ASTN2: variants seen among roughly 807,000 people sequenced by gnomAD.
ASTN2 encodes astrotactin 2.
In ASTN2, 54 loss-of-function variants were observed where a neutral mutation model predicts 139.8. The observed-to-expected ratio is 0.39, with a 90% CI of 0.31 to 0.48. The LOEUF is 0.48. Among genes scored for constraint, ASTN2 ranks in the 20% least tolerant of loss-of-function variants. The pLI is 0.95. For missense variants in ASTN2, 1,565 were observed against 1,725.1 expected (o/e 0.91, Z 1.64); for synonymous variants, 756 against 719.5 (o/e 1.05, Z -0.81).
chr9:116,850,247 C>T (rs946014202), intron 11 of ASTN2, among the ~76,000 whole-genome samples: 1 of 152,228 alleles, frequency 6.6e-6, no homozygotes, highest in Non-Finnish European at 1.5e-5. Flanking sequence ...TCTGACTGTT[C>T]TCTACATGCT....
chr9:116,907,264 A>C (rs571916963), intron 10 of ASTN2, among the ~76,000 whole-genome samples: 1 of 152,344 alleles, frequency 6.6e-6, no homozygotes, highest in African/African-American at 2.4e-5. Flanking sequence ...CCTGGCCTGC[A>C]GCAGCAGAGC....
intron 5 of ASTN2, among the ~76,000 whole-genome samples, chr9:117,079,895 T>G (rs912701514): frequency 2.6e-5 from 4 of 152,278 alleles, no homozygotes; most frequent in Admixed American, 2.6e-4. Context: ...CTCCAGGACC[T>G]GTGCTAAGTT....
At chr9:117,071,674 G>GTA (rs1828133207) in intron 5 of ASTN2, among the ~76,000 whole-genome samples, 1 of 148,990 alleles carries the variant, frequency 6.7e-6, no homozygotes, top group Non-Finnish European at 1.5e-5. Flanking sequence ...TTCCGTGGGC[G>GTA]TAGGACCCTC....
At chr9:117,356,384 T>C (rs1829540523) in intron 1 of ASTN2, among the ~76,000 whole-genome samples, 1 of 152,252 alleles carries the variant, frequency 6.6e-6, no homozygotes, top group Non-Finnish European at 1.5e-5. Context: ...TATTATCCCA[T>C]GTTTGATACG....
chr9:116,884,760 T>C (rs1833545872), intron 10 of ASTN2, among the ~76,000 whole-genome samples: 1 of 151,514 alleles, frequency 6.6e-6, no homozygotes, highest in Non-Finnish European at 1.5e-5. Flanking sequence ...CCTTGATGTC[T>C]GTATGACATT....
chr9:116,841,160 C>T (rs961356293), intron 11 of ASTN2, among the ~76,000 whole-genome samples: 2 of 152,246 alleles, frequency 1.3e-5, no homozygotes, highest in African/African-American at 2.4e-5. Flanking sequence ...GGATCACTCG[C>T]GGTTAGGAGC....
intron 16 of ASTN2, among the ~76,000 whole-genome samples, chr9:116,683,522 A>G (rs1274862750): frequency 6.6e-6 from 1 of 152,202 alleles, no homozygotes; most frequent in African/African-American, 2.4e-5. Context: ...ATCAGATATC[A>G]CACTCTGAGT....
chr9:117,044,416 G>A (rs1193557974), intron 5 of ASTN2, among the ~76,000 whole-genome samples: 3 of 152,198 alleles, frequency 2.0e-5, no homozygotes, highest in African/African-American at 7.2e-5. Flanking sequence ...AGATGCCCAT[G>A]GAGCAGCAGA....
At chr9:116,771,121 T>A (rs1253702913) in intron 13 of ASTN2, among the ~76,000 whole-genome samples, 1 of 152,196 alleles carries the variant, frequency 6.6e-6, no homozygotes, top group Non-Finnish European at 1.5e-5. Context: ...AAGATTCAAC[T>A]CAGACATCAT....
intron 19 of ASTN2, among the ~76,000 whole-genome samples, chr9:116,513,224 T>C (rs1850482277): frequency 1.3e-5 from 2 of 152,160 alleles, no homozygotes; most frequent in Admixed American, 6.5e-5. Context: ...AGCATTTGCT[T>C]GTCTATAAAG....
intron 1 of ASTN2, among the ~76,000 whole-genome samples, chr9:117,317,633 CA>C (rs1489555417): frequency 6.6e-6 from 1 of 152,172 alleles, no homozygotes; most frequent in African/African-American, 2.4e-5. Flanking sequence ...TCAAGAGTGT[CA>C]AGCCCAGGGC....
chr9:117,406,234 C>T lies in ASTN2; in HGVS notation c.442+8263G>A, dbSNP rs139219691. Among the ~76,000 whole-genome samples, 504 of 152,314 alleles carry T rather than the reference C, an allele frequency of 3.3e-3. 2 individuals carry two copies. The highest frequency in any genetic ancestry group is 0.011 in the African/African-American group (461 of 41,554). On this transcript the variant is annotated intron_variant, in intron 1 of 22. Coordinates refer to ENST00000313400, the MANE Select transcript of ASTN2 (RefSeq NM_001365068.1). ...GGAAACACACAGCGTAAATTCTGGT[C>T]TCACTCTGCTCCAAGCCACCATTAC...
intron 5 of ASTN2, among the ~76,000 whole-genome samples, chr9:117,045,459 T>C (rs1413593525): frequency 1.3e-5 from 2 of 152,120 alleles, no homozygotes; most frequent in African/African-American, 4.8e-5. Flanking sequence ...TTGCTGGGAC[T>C]GGAGAAAATT....
chr9:117,066,809 G>C (rs543379470), intron 5 of ASTN2, among the ~76,000 whole-genome samples: 2 of 150,002 alleles, frequency 1.3e-5, no homozygotes, highest in Admixed American at 6.6e-5. Flanking sequence ...GTCTTCTTTT[G>C]AGAAGTGTCT....
intron 19 of ASTN2, among the ~76,000 whole-genome samples, chr9:116,573,156 C>T (rs1349954410): frequency 6.6e-6 from 1 of 152,154 alleles, no homozygotes; most frequent in Non-Finnish European, 1.5e-5. Context: ...CAACCAAAGG[C>T]ACCATTTTAT....
chr9:117,144,790 T>C (rs1830157349), intron 3 of ASTN2, among the ~76,000 whole-genome samples: 1 of 145,816 alleles, frequency 6.9e-6, no homozygotes, highest in Non-Finnish European at 1.5e-5. Flanking sequence ...CAAGCAATTC[T>C]TATGCCCCAG....
At position 117,016,813 on chromosome 9, in the gene ASTN2, T is replaced by TTTTATATATA. The variant is rs1554769653; in HGVS notation, c.1424-8555_1424-8554insTATATATAAA. Among the ~76,000 whole-genome samples the TTTTATATATA allele has an allele frequency of 1.6e-3, 152 of 92,580 alleles. 1 individual carries two copies. The South Asian group carries it at 0.032, about 20-fold the overall frequency. The allele number at this position is 92,580 out of a possible 152,430, so 60.7% of individuals were successfully genotyped here. ...GTTATATATAGGTTATATATATGTT[T>TTTTATATATA]TATATATATATATATGTTTTTCCAA... On this transcript the variant is annotated intron_variant, in intron 6 of 22. Transcript: ENST00000313400.
At chr9:117,096,017 T>C in intron 5 of ASTN2, 27 bp downstream of exon 5, 2 of 1,602,938 alleles carry the variant, frequency 1.2e-6, no homozygotes, top group Non-Finnish European at 1.7e-6. Flanking sequence ...AAACTCTGGT[T>C]CTGGAACCTT....
intron 10 of ASTN2, among the ~76,000 whole-genome samples, chr9:116,902,691 G>T (rs1157106423): frequency 6.6e-6 from 1 of 151,946 alleles, no homozygotes; most frequent in East Asian, 1.9e-4. Flanking sequence ...GTTGTTAATC[G>T]ATGCATGACT....
Sources: gnomAD v4.1 joint callset for allele counts (sites outside exome capture counted in the v4.1 genomes callset) on GRCh38, gnomAD v4.1.1 for gene constraint, MANE v1.5 for transcripts, NCBI Gene and HGNC (gene_info 2026-07-23, HGNC 2026-07-21) for gene names.